CFAP299: variants seen among roughly 807,000 people sequenced by gnomAD.
CFAP299 encodes the protein cilia and flagella associated protein 299.
A neutral mutation model predicts 27.0 loss-of-function variants in CFAP299; 21 were observed. The observed-to-expected ratio is 0.78, with a 90% confidence interval of 0.55 to 1.12. The LOEUF is 1.12. Among genes scored for constraint, CFAP299 ranks in the 50% most tolerant of loss-of-function variants. CFAP299 has a pLI of 0.00. For synonymous variants in CFAP299, 104 were observed against 98.1 expected (o/e 1.06, Z -0.36); for missense variants, 310 against 276.6 (o/e 1.12, Z -0.86).
At chr4:80,838,771 T>G (rs1730704121) in intron 3 of CFAP299, among the ~76,000 whole-genome samples, 1 of 152,018 alleles carries the variant, frequency 6.6e-6, no homozygotes, top group South Asian at 2.1e-4. Flanking sequence ...ATATGAAATT[T>G]TAAGTAGTTT....
At chr4:80,938,726 A>T (rs889090274) in intron 4 of CFAP299, among the ~76,000 whole-genome samples, 16 of 152,154 alleles carry the variant, frequency 1.1e-4, no homozygotes, top group African/African-American at 3.9e-4. Flanking sequence ...GTATGTACTT[A>T]TCTTTACCAG....
At chr4:80,909,257 G>A (rs1735349240) in intron 4 of CFAP299, among the ~76,000 whole-genome samples, 1 of 151,910 alleles carries the variant, frequency 6.6e-6, no homozygotes, top group Admixed American at 6.6e-5. Context: ...ACTGTCTGGG[G>A]TGGTGCATTA....
At chr4:80,857,768 G>C (rs1369672060) in intron 3 of CFAP299, among the ~76,000 whole-genome samples, 1 of 152,168 alleles carries the variant, frequency 6.6e-6, no homozygotes, top group Non-Finnish European at 1.5e-5. Context: ...ACTTGATCAT[G>C]GTGGATAAGC....
At chr4:80,643,150 A>G (rs939947392) in intron 3 of CFAP299, among the ~76,000 whole-genome samples, 4 of 152,116 alleles carry the variant, frequency 2.6e-5, no homozygotes, top group Non-Finnish European at 5.9e-5. Context: ...AAATAAATAC[A>G]TGAGAGAAGT....
At chr4:80,504,204 A>G (rs1159911951) in intron 2 of CFAP299, among the ~76,000 whole-genome samples, 1 of 151,334 alleles carries the variant, frequency 6.6e-6, no homozygotes, top group Non-Finnish European at 1.5e-5. Context: ...AGTGGATATG[A>G]AGTTGGTGGT....
chr4:80,962,798 A>T (rs79099776), intron 5 of CFAP299, among the ~76,000 whole-genome samples: 199 of 152,080 alleles, frequency 1.3e-3, no homozygotes, highest in African/African-American at 4.5e-3. Context: ...AAGGCCTAGT[A>T]ACTAAAATTT....
At chr4:80,598,186 A>T (rs1737154354) in intron 3 of CFAP299, among the ~76,000 whole-genome samples, 2 of 152,206 alleles carry the variant, frequency 1.3e-5, no homozygotes, top group South Asian at 4.1e-4. Flanking sequence ...AGCATAGATA[A>T]ACAAGAAGCC....
At chr4:80,593,476 C>T (rs961934698) in intron 3 of CFAP299, among the ~76,000 whole-genome samples, 2 of 152,210 alleles carry the variant, frequency 1.3e-5, no homozygotes, top group East Asian at 3.9e-4. Context: ...ATGCTAGCTT[C>T]GTGTTGGCAT....
intron 5 of CFAP299, 124 bp from the exon 6 acceptor site, chr4:80,963,393 C>A: frequency 3.1e-6 from 2 of 641,308 alleles, no homozygotes; most frequent in South Asian, 1.9e-5. Flanking sequence ...ATGTATATAT[C>A]TCCGTGGAAA....
intron 2 of CFAP299, among the ~76,000 whole-genome samples, chr4:80,502,559 T>G (rs1270199368): frequency 6.6e-6 from 1 of 152,130 alleles, no homozygotes; most frequent in East Asian, 1.9e-4. Context: ...TCCTCTTATC[T>G]GATTTCTGTA....
At position 80,574,024 on chromosome 4, in the gene CFAP299, A is replaced by G. The variant is rs371091615; in HGVS notation, c.243-9069A>G. 1.4e-4 allele frequency among the ~76,000 whole-genome samples: 21 copies of G among 152,166 alleles called. No homozygotes were observed. The South Asian group carries it at 3.9e-3, about 29-fold the overall frequency. On this transcript the variant is annotated intron_variant, in intron 2 of 5. Transcript: ENST00000358105. ...TCATTGATATTTTTATATAGATTGCATTGAATCCATAGATTTCTTTGGGTA... is the reference window on the plus strand; with the variant it reads ...TCATTGATATTTTTATATAGATTGCGTTGAATCCATAGATTTCTTTGGGTA...
chr4:80,663,484 C>CA (rs1185219063), intron 3 of CFAP299, among the ~76,000 whole-genome samples: 3 of 152,190 alleles, frequency 2.0e-5, no homozygotes, highest in African/African-American at 7.2e-5. Context: ...TTTATGGCTG[C>CA]ATAGTATTCC....
chr4:80,575,278 CT>C (rs1274710624), intron 2 of CFAP299, among the ~76,000 whole-genome samples: 1 of 151,710 alleles, frequency 6.6e-6, no homozygotes, highest in Non-Finnish European at 1.5e-5. Flanking sequence ...TCTAATAATC[CT>C]TTGAATTTCT....
chr4:80,676,494 TC>T (rs1719463665), intron 3 of CFAP299, among the ~76,000 whole-genome samples: 2 of 152,196 alleles, frequency 1.3e-5, no homozygotes, highest in African/African-American at 4.8e-5. Context: ...AGGTATTCCC[TC>T]CTCTTCAATT....
intron 3 of CFAP299, among the ~76,000 whole-genome samples, chr4:80,794,196 G>C (rs565377089): frequency 5.3e-5 from 8 of 152,304 alleles, no homozygotes; most frequent in Middle Eastern, 3.4e-3. Flanking sequence ...AAAGGTAGGA[G>C]AAACCCAAAA....
At chr4:80,757,757 C>T (rs555025084) in intron 3 of CFAP299, among the ~76,000 whole-genome samples, 3 of 151,678 alleles carry the variant, frequency 2.0e-5, no homozygotes, top group South Asian at 2.1e-4. Context: ...TACGCAGTCT[C>T]ATTTGAACTA....
In CFAP299 at chr4:80,494,822, A is replaced by G. The variant is rs140642468; in HGVS notation, c.243-88271A>G. On this transcript the variant is annotated intron_variant, in intron 2 of 5. Coordinates refer to ENST00000358105, the MANE Select transcript of CFAP299 (RefSeq NM_152770.3). ...TTCTGATACAAGTTACTTATTTCCA[A>G]GATACAATGGGGGTATAAACATTCC... Among the ~76,000 whole-genome samples, 763 of 152,300 alleles carry G rather than the reference A, an allele frequency of 5.0e-3. 4 individuals carry two copies. The highest frequency in any genetic ancestry group is 0.017 in the Middle Eastern group (5 of 294).
At chr4:80,853,652 A>T (rs1272913392) in intron 3 of CFAP299, among the ~76,000 whole-genome samples, 2 of 152,178 alleles carry the variant, frequency 1.3e-5, no homozygotes, top group African/African-American at 4.8e-5. Context: ...AAATAGTGGG[A>T]ATCAGGTTGG....
chr4:80,645,205 C>T (rs1300670204), intron 3 of CFAP299, among the ~76,000 whole-genome samples: 1 of 152,074 alleles, frequency 6.6e-6, no homozygotes, highest in African/African-American at 2.4e-5. Context: ...CAGGTGTGGA[C>T]GTCCAAAATC....
Sources: gnomAD v4.1 joint callset for allele counts (sites outside exome capture counted in the v4.1 genomes callset) on GRCh38, gnomAD v4.1.1 for gene constraint, MANE v1.5 for transcripts, NCBI Gene and HGNC (gene_info 2026-07-23, HGNC 2026-07-21) for gene names.